The following PLPP3 variants were observed in gnomAD, a reference collection of about 807,000 sequenced individuals.
The protein encoded by PLPP3 is PAP2 beta.
Under a neutral mutation model 29.6 loss-of-function variants are expected in PLPP3, and 6 were observed. The ratio of observed to expected loss-of-function variants is 0.20; its 90% CI spans 0.11 to 0.40. PLPP3 has a LOEUF of 0.40. PLPP3 is among the 10% of genes least tolerant of loss of function. PLPP3 has a pLI of 1.00. For missense variants in PLPP3, 308 were observed against 407.7 expected (o/e 0.76, Z 2.11); for synonymous variants, 152 against 159.7 (o/e 0.95, Z 0.36).
chr1:56,520,781 C>A (rs1208187822), intron 4 of PLPP3, among the ~76,000 whole-genome samples: 1 of 150,816 alleles, frequency 6.6e-6, no homozygotes, highest in Non-Finnish European at 1.5e-5. Context: ...TGTGGTGCCA[C>A]ACACCTGTAA....
chr1:56,570,525 G>T (rs1391088329), intron 1 of PLPP3, among the ~76,000 whole-genome samples: 1 of 152,246 alleles, frequency 6.6e-6, no homozygotes, highest in African/African-American at 2.4e-5. Context: ...TGTTTGGTTT[G>T]TTTTAAATTT....
Position 56,495,260 on chromosome 1 carries a change from C to T in PLPP3, c.*1291G>A, listed in dbSNP as rs2100612358. On this transcript the variant is annotated 3_prime_UTR_variant, in exon 6 of 6. Transcript: ENST00000371250. ...ATTTAACCCTTTGAAAGGTCTGCAT[C>T]CAAGATCTAAACGCATTTCTTCCTT... The T allele has an allele frequency of 6.6e-6, 1 of 152,670 alleles. No individual in the cohort carries two copies. Among genetic ancestry groups the T allele is most frequent in the South Asian group, 2.1e-4 (1 of 4,820 alleles). 9.5% of individuals were successfully genotyped at this position (152,670 alleles called of 1,614,324 possible).
intron 1 of PLPP3, among the ~76,000 whole-genome samples, chr1:56,575,074 A>C (rs528606564): frequency 9.7e-4 from 148 of 152,306 alleles, no homozygotes; most frequent in African/African-American, 3.5e-3. Context: ...AGCAGAGTAG[A>C]TGCATAGGGT....
intron 4 of PLPP3, among the ~76,000 whole-genome samples, chr1:56,518,455 A>T (rs1645796776): frequency 6.6e-6 from 1 of 151,954 alleles, no homozygotes; most frequent in Admixed American, 6.5e-5. Context: ...GCAAAGAGGG[A>T]GCAAAGACTT....
At chr1:56,573,248 G>A (rs151185053) in intron 1 of PLPP3, among the ~76,000 whole-genome samples, 5 of 152,260 alleles carry the variant, frequency 3.3e-5, no homozygotes, top group African/African-American at 1.2e-4. Context: ...TAGCCTCTTG[G>A]CATTAGAAAC....
chr1:56,576,672 C>T (rs957396595), intron 1 of PLPP3, among the ~76,000 whole-genome samples: 1 of 152,110 alleles, frequency 6.6e-6, no homozygotes, highest in Admixed American at 6.6e-5. Flanking sequence ...CGCCTTATTG[C>T]TTTTTGGAGA....
chr1:56,515,626 A>G (rs1484616631), intron 4 of PLPP3, among the ~76,000 whole-genome samples: 2 of 152,210 alleles, frequency 1.3e-5, no homozygotes, highest in Non-Finnish European at 2.9e-5. Context: ...CGCCTTTGGG[A>G]AGCAGTCAGT....
chr1:56,494,965 C>T lies in PLPP3; in HGVS notation c.*1586G>A, dbSNP rs991909307. On this transcript the variant is annotated 3_prime_UTR_variant, in exon 6 of 6. Transcript: ENST00000371250. Reference sequence around the variant, plus strand: ...TTTCATTATAAAACAATGTCTACCACAGAACTATGATATTTTAGTTGATAT... The same window carrying T: ...TTTCATTATAAAACAATGTCTACCATAGAACTATGATATTTTAGTTGATAT... 1.4e-4 allele frequency: 21 copies of T among 152,500 alleles called. No individual in the cohort carries two copies. The highest frequency in any genetic ancestry group is 1.0e-3 in the Admixed American group (16 of 15,274). 9.4% of individuals were successfully genotyped at this position (152,500 alleles called of 1,614,324 possible).
At chr1:56,560,832 C>CTTTTTT (rs397860682) in intron 1 of PLPP3, among the ~76,000 whole-genome samples, 4 of 89,336 alleles carry the variant, frequency 4.5e-5, no homozygotes, top group Admixed American at 3.1e-4. Context: ...ATTCAGAGTC[C>CTTTTTT]TTTTTTTTTT....
intron 1 of PLPP3, among the ~76,000 whole-genome samples, chr1:56,559,002 T>C (rs1054165338): frequency 6.6e-6 from 1 of 152,200 alleles, no homozygotes; most frequent in African/African-American, 2.4e-5. Flanking sequence ...TGCCTCATTA[T>C]TTAGGGAAGA....
At chr1:56,567,558 T>C (rs1646170067) in intron 1 of PLPP3, among the ~76,000 whole-genome samples, 1 of 151,994 alleles carries the variant, frequency 6.6e-6, no homozygotes. Context: ...CCACCACACC[T>C]GGCTAATTTT....
At chr1:56,575,559 G>A (rs1646229787) in intron 1 of PLPP3, among the ~76,000 whole-genome samples, 1 of 152,180 alleles carries the variant, frequency 6.6e-6, no homozygotes, top group Admixed American at 6.5e-5. Flanking sequence ...GGGAAATCGG[G>A]AGAGGCAGAA....
rs150664005 is a variant in PLPP3, at chr1:56,569,634, G to T, written c.139+9244C>A. 7.1e-3 allele frequency among the ~76,000 whole-genome samples: 1,083 copies of T among 152,200 alleles called. 6 individuals carry two copies. Among genetic ancestry groups the T allele is most frequent in the African/African-American group, 0.024 (1,010 of 41,538 alleles). On this transcript the variant is annotated intron_variant, in intron 1 of 5. Transcript: ENST00000371250. ...ATAAAAATAAAAAGAAAAACAAAAA[G>T]AAAACTTCATTTGCTCTCCTCGTTC...
intron 2 of PLPP3, among the ~76,000 whole-genome samples, chr1:56,526,219 G>A (rs1224310284): frequency 2.0e-5 from 3 of 152,178 alleles, no homozygotes; most frequent in African/African-American, 7.2e-5. Context: ...ACAAATGAAG[G>A]AAAGGGAGCA....
At chr1:56,518,085 T>C (rs1645794400) in intron 4 of PLPP3, among the ~76,000 whole-genome samples, 1 of 151,942 alleles carries the variant, frequency 6.6e-6, no homozygotes, top group Non-Finnish European at 1.5e-5. Flanking sequence ...TCACACAGGG[T>C]CTGTCACAGA....
intron 1 of PLPP3, among the ~76,000 whole-genome samples, chr1:56,573,721 T>A (rs1646215973): frequency 6.6e-6 from 1 of 152,154 alleles, no homozygotes. Context: ...TCACATAACG[T>A]GTACTGGATT....
intron 1 of PLPP3, among the ~76,000 whole-genome samples, chr1:56,543,902 T>C (rs998920186): frequency 2.0e-5 from 3 of 152,206 alleles, no homozygotes; most frequent in African/African-American, 7.2e-5. Flanking sequence ...GTGGCAGATC[T>C]AGTCCTAGTA....
At chr1:56,563,879 C>T (rs1187583084) in intron 1 of PLPP3, among the ~76,000 whole-genome samples, 1 of 152,222 alleles carries the variant, frequency 6.6e-6, no homozygotes, top group African/African-American at 2.4e-5. Flanking sequence ...TCATGCCTCT[C>T]TCTTCCAGTG....
At chr1:56,571,444 G>C (rs369346286) in intron 1 of PLPP3, among the ~76,000 whole-genome samples, 1 of 152,074 alleles carries the variant, frequency 6.6e-6, no homozygotes, top group African/African-American at 2.4e-5. Context: ...TCCAAAGCCC[G>C]TGCTATTCCC....
Sources: gnomAD v4.1 joint callset for allele counts (sites outside exome capture counted in the v4.1 genomes callset) on GRCh38, gnomAD v4.1.1 for gene constraint, MANE v1.5 for transcripts, NCBI Gene and HGNC (gene_info 2026-07-23, HGNC 2026-07-21) for gene names.